PRLR: variants seen among roughly 807,000 people sequenced by gnomAD.
PRLR encodes prolactin receptor, also known as hPRL receptor.
In PRLR, 13 loss-of-function variants were observed where a neutral mutation model predicts 40.2. The ratio of observed to expected loss-of-function variants is 0.32; its 90% confidence interval spans 0.21 to 0.51. PRLR has a LOEUF of 0.51. Among genes scored for constraint, PRLR ranks in the 20% least tolerant of loss-of-function variants. PRLR has a pLI of 0.97. For synonymous variants in PRLR, 269 were observed against 278.7 expected (o/e 0.97, Z 0.35); for missense variants, 656 against 747.3 (o/e 0.88, Z 1.42).
chr5:35,133,920 A>C (rs1465159141), intron 1 of PRLR, among the ~76,000 whole-genome samples: 1 of 152,212 alleles, frequency 6.6e-6, no homozygotes, highest in Admixed American at 6.5e-5. Flanking sequence ...TGTTTATTAA[A>C]AAATGAACAA....
intron 1 of PRLR, among the ~76,000 whole-genome samples, chr5:35,131,454 G>A (rs1252098554): frequency 1.3e-5 from 2 of 152,158 alleles, no homozygotes; most frequent in Admixed American, 6.5e-5. Context: ...CTGGTCCAGT[G>A]GCAGTGGGCT....
rs1771548168 is a variant in PRLR at position 35,096,616 on chromosome 5, C to CT, written c.-43-6954dup. ...CAAGGAGTGTCTTAAAATTTCTTTTCTTTACTTTCTTTTTTTTTTTTTGAG... is the reference window on the plus strand; with the variant it reads ...CAAGGAGTGTCTTAAAATTTCTTTTCTTTTACTTTCTTTTTTTTTTTTTGAG... On this transcript the variant is annotated intron_variant, in intron 2 of 9. Transcript: ENST00000618457. Among the ~76,000 whole-genome samples the CT allele has an allele frequency of 4.6e-5, 7 of 150,714 alleles. No individual in the cohort carries two copies. In the South Asian group the frequency reaches 1.5e-3, roughly 31 times the overall value.
chr5:35,201,711 CTT>C, intron 1 of PRLR, among the ~76,000 whole-genome samples: 1 of 152,140 alleles, frequency 6.6e-6, no homozygotes, highest in Middle Eastern at 3.2e-3. Context: ...CTTCTCTTCT[CTT>C]CTCCTCTCCT....
At chr5:35,149,210 C>A (rs1774273425) in intron 1 of PRLR, among the ~76,000 whole-genome samples, 1 of 151,858 alleles carries the variant, frequency 6.6e-6, no homozygotes, top group Non-Finnish European at 1.5e-5. Flanking sequence ...TTTAAAAGAC[C>A]CAAGATTTAT....
In PRLR at chr5:35,114,911, C is replaced by T. The variant is rs191617839; in HGVS notation, c.-44+3150G>A. Among the ~76,000 whole-genome samples the T allele has an allele frequency of 1.6e-4, 25 of 152,286 alleles. No individual in the cohort carries two copies. In the East Asian group the frequency reaches 1.9e-3, roughly 12 times the overall value. On this transcript the variant is annotated intron_variant, in intron 2 of 9. Transcript: ENST00000618457. ...TTTGGCTCCCTTCCCTTTTGGAATT[C>T]GGTTCCTTCTACTCTTCTCTATCCC...
At chr5:35,113,450 TATCCATCCATCC>T (rs375477215) in intron 2 of PRLR, among the ~76,000 whole-genome samples, 19 of 105,396 alleles carry the variant, frequency 1.8e-4, no homozygotes, top group African/African-American at 7.1e-4. Context: ...CCCACCCACC[TATCCATCCATCC>T]ATCCATCCAT....
At position 35,163,169 on chromosome 5, in the gene PRLR, T is replaced by C. The variant is rs116404707; in HGVS notation, c.-105-45047A>G. Among the ~76,000 whole-genome samples the C allele has an allele frequency of 6.5e-3, 997 of 152,320 alleles. 9 individuals carry two copies. Among genetic ancestry groups the C allele is most frequent in the African/African-American group, 0.023 (968 of 41,574 alleles). On this transcript the variant is annotated intron_variant, in intron 1 of 9. Coordinates refer to ENST00000618457, the MANE Select transcript of PRLR (RefSeq NM_000949.7). Reference sequence around the variant, plus strand: ...AGGTGGGAAGTACTCTAGCAGGGACTCTGGCTTTGGAGAGGGCCCCTGTTT... The same window carrying C: ...AGGTGGGAAGTACTCTAGCAGGGACCCTGGCTTTGGAGAGGGCCCCTGTTT...
chr5:35,084,230 T>C (rs1770702942), intron 5 of PRLR, among the ~76,000 whole-genome samples: 1 of 152,148 alleles, frequency 6.6e-6, no homozygotes, highest in Non-Finnish European at 1.5e-5. Flanking sequence ...TTGTGCTGAG[T>C]GCAAGAGGAT....
At position 35,129,831 on chromosome 5, in the gene PRLR, G is replaced by T. The variant is rs1006695772; in HGVS notation, c.-105-11709C>A. 8.5e-5 allele frequency among the ~76,000 whole-genome samples: 13 copies of T among 152,068 alleles called. No individual in the cohort carries two copies. The East Asian group carries it at 2.3e-3, about 27-fold the overall frequency. ...GGAGTGGGCACAAGGCATGGATTCT[G>T]CAAACATGCTTTCTCTGCTATCCCC... On this transcript the variant is annotated intron_variant, in intron 1 of 9. Transcript: ENST00000618457.
chr5:35,124,049 A>T (rs989698368), intron 1 of PRLR, among the ~76,000 whole-genome samples: 7 of 152,198 alleles, frequency 4.6e-5, no homozygotes, highest in Non-Finnish European at 7.3e-5. Context: ...TGGGAAGGAC[A>T]ATGTACTAGC....
At chr5:35,149,535 C>G (rs1774282129) in intron 1 of PRLR, among the ~76,000 whole-genome samples, 1 of 152,098 alleles carries the variant, frequency 6.6e-6, no homozygotes, top group African/African-American at 2.4e-5. Context: ...TATGGAATTT[C>G]TGATAAGTGT....
intron 7 of PRLR, among the ~76,000 whole-genome samples, chr5:35,069,763 C>T (rs1579571256): frequency 6.6e-6 from 1 of 152,228 alleles, no homozygotes; most frequent in African/African-American, 2.4e-5. Flanking sequence ...ATGGCAGAGA[C>T]TGAGCCTTTG....
rs2112338577 is a variant in PRLR at position 35,057,909 on chromosome 5, A to G, written c.*7180T>C. 1 of 152,300 alleles carries G rather than the reference A, an allele frequency of 6.6e-6. No homozygotes were observed. Among genetic ancestry groups the G allele is most frequent in the Admixed American group, 6.5e-5 (1 of 15,294 alleles). 9.4% of individuals were successfully genotyped at this position (152,300 alleles called of 1,614,324 possible). A position where few individuals can be genotyped will look rare whatever the true frequency, so the allele number is the denominator to read the frequency against. ...AAAGGGTTATTTCTAGGGGGGTTAC[A>G]GAAGTCAATTTGTAAGAGATATCAT... On this transcript the variant is annotated 3_prime_UTR_variant, in exon 10 of 10. Coordinates refer to ENST00000618457, the MANE Select transcript of PRLR (RefSeq NM_000949.7).
chr5:35,114,916 C>A (rs1772918537), intron 2 of PRLR, among the ~76,000 whole-genome samples: 1 of 152,186 alleles, frequency 6.6e-6, no homozygotes, highest in African/African-American at 2.4e-5. Flanking sequence ...GAATTCGGTT[C>A]CTTCTACTCT....
At chr5:35,107,346 A>G (rs1772328857) in intron 2 of PRLR, among the ~76,000 whole-genome samples, 1 of 152,222 alleles carries the variant, frequency 6.6e-6, no homozygotes, top group African/African-American at 2.4e-5. Flanking sequence ...CACATTCAAA[A>G]GCTAGCAGAA....
chr5:35,200,453 G>T (rs1440133243), intron 1 of PRLR, among the ~76,000 whole-genome samples: 2 of 152,236 alleles, frequency 1.3e-5, no homozygotes, highest in African/African-American at 4.8e-5. Flanking sequence ...GCTTTGTCCA[G>T]CAGTCAGTGG....
At chr5:35,089,705 C>T (rs1322272355) in intron 2 of PRLR, 42 bp from the exon 3 acceptor site, 2 of 1,297,324 alleles carry the variant, frequency 1.5e-6, no homozygotes, top group Non-Finnish European at 2.2e-6. Context: ...AAATGGCAGT[C>T]TGGTCAGGCA....
intron 1 of PRLR, chr5:35,135,194 C>A (rs143668232): frequency 1.3e-5 from 2 of 151,374 alleles, no homozygotes; most frequent in East Asian, 3.9e-4. Context: ...ATAATTCTGT[C>A]CTAGGGAAAT....
chr5:35,079,543 C>G (rs1770357563), intron 5 of PRLR, among the ~76,000 whole-genome samples: 1 of 152,052 alleles, frequency 6.6e-6, no homozygotes, highest in Non-Finnish European at 1.5e-5. Context: ...AACCATTGCT[C>G]AATGAAATAA....
Sources: allele counts gnomAD v4.1 joint callset (sites outside exome capture counted in the v4.1 genomes callset), GRCh38; gene constraint gnomAD v4.1.1; transcripts MANE v1.5; gene names NCBI Gene and HGNC (gene_info 2026-07-23, HGNC 2026-07-21).